C10orf90: variants seen among roughly 807,000 people sequenced by gnomAD.
The protein encoded by C10orf90 is (E2-independent) E3 ubiquitin-conjugating enzyme FATS.
Under a neutral mutation model 62.5 loss-of-function variants are expected in C10orf90, and 56 were observed. That is an observed-to-expected ratio of 0.90 (90% CI 0.72 to 1.12). The LOEUF (loss-of-function observed/expected upper bound fraction) is 1.12, where lower values mean the gene tolerates loss of function less well. C10orf90 is among the 50% of genes most tolerant of loss of function. The probability of loss-of-function intolerance (pLI) is 0.00; values close to 1 mark genes in which losing one functional copy is unlikely to be tolerated. For synonymous variants in C10orf90, 386 were observed against 340.4 expected (o/e 1.13, Z -1.47); for missense variants, 970 against 880.4 (o/e 1.10, Z -1.29).
intron 2 of C10orf90, among the ~76,000 whole-genome samples, chr10:126,645,200 A>T (rs1846143109): frequency 6.6e-6 from 1 of 150,532 alleles, no homozygotes. Flanking sequence ...AGCATGGCAC[A>T]TGTATACATA....
At chr10:126,542,884 C>T (rs7088434) in intron 2 of C10orf90, among the ~76,000 whole-genome samples, 2,267 of 152,278 alleles carry the variant, frequency 0.015, 60 homozygotes, top group African/African-American at 0.052. Flanking sequence ...TTATAGGATT[C>T]AATGCCACAT....
At chr10:126,589,154 G>A (rs781369508) in intron 2 of C10orf90, among the ~76,000 whole-genome samples, 2 of 152,106 alleles carry the variant, frequency 1.3e-5, no homozygotes, top group African/African-American at 2.4e-5. Flanking sequence ...GACAAGAATA[G>A]AGAAAAAATA....
chr10:126,478,615 T>A (rs1861017021), intron 4 of C10orf90, among the ~76,000 whole-genome samples: 1 of 152,198 alleles, frequency 6.6e-6, no homozygotes, highest in South Asian at 2.1e-4. Context: ...GATGGCTGTT[T>A]CCTGCCCTTT....
intron 2 of C10orf90, among the ~76,000 whole-genome samples, chr10:126,525,518 T>A (rs1863911651): frequency 6.6e-6 from 1 of 152,156 alleles, no homozygotes; most frequent in African/African-American, 2.4e-5. Flanking sequence ...CAGAGATGAT[T>A]ACAGGCTCCG....
intron 2 of C10orf90, among the ~76,000 whole-genome samples, chr10:126,596,137 T>C (rs974175925): frequency 7.1e-6 from 1 of 140,738 alleles, no homozygotes; most frequent in African/African-American, 2.9e-5. Flanking sequence ...TATCTCTTAT[T>C]TAAAAAAAAA....
At position 126,458,928 on chromosome 10, in the gene C10orf90, C is replaced by T. The variant is rs966323557; in HGVS notation, c.2188+112G>A. The T allele has an allele frequency of 2.6e-6, 3 of 1,160,312 alleles. No homozygotes were observed. The African/African-American group carries it at 4.7e-5, about 18-fold the overall frequency. The allele number at this position is 1,160,312 out of a possible 1,614,324, so 71.9% of individuals were successfully genotyped here. On this transcript the variant is annotated intron_variant, in intron 7 of 9. Coordinates refer to ENST00000488181, the MANE Select transcript of C10orf90 (RefSeq NM_001350921.2). ...CAGCCACTTGGAGCCATAACAGGTT[C>T]TGCGTATGTCAGTGGCATCATTTGG... is the stretch of plus-strand genomic sequence containing the variant.
chr10:126,540,658 C>A (rs1484035889), intron 2 of C10orf90, among the ~76,000 whole-genome samples: 2 of 106,164 alleles, frequency 1.9e-5, no homozygotes, highest in Non-Finnish European at 3.7e-5. Context: ...CAAAGTGAGA[C>A]CTTGTCTAAA....
At chr10:126,513,456 G>A (rs1332352638) in intron 3 of C10orf90, among the ~76,000 whole-genome samples, 1 of 152,100 alleles carries the variant, frequency 6.6e-6, no homozygotes, top group Non-Finnish European at 1.5e-5. Flanking sequence ...TTATAAATAT[G>A]ACCTCTAATT....
In C10orf90 at chr10:126,502,232, C is replaced by G. The variant is rs181723577; in HGVS notation, c.1534+1725G>C. On this transcript the variant is annotated intron_variant, in intron 4 of 9. Coordinates refer to ENST00000488181, the MANE Select transcript of C10orf90 (RefSeq NM_001350921.2). ...AATTCATCCATGTAACCAAGAACCA[C>G]TTGTACTCCCAAAGCTACTGAAATT... Among the ~76,000 whole-genome samples the G allele has an allele frequency of 2.9e-3, 446 of 152,306 alleles. 1 individual carries two copies. The highest frequency in any genetic ancestry group is 5.0e-3 in the Non-Finnish European group (343 of 68,024).
At chr10:126,669,693 C>A (rs1334476273) in intron 1 of C10orf90, among the ~76,000 whole-genome samples, 2 of 115,416 alleles carry the variant, frequency 1.7e-5, no homozygotes, top group Non-Finnish European at 3.5e-5. Flanking sequence ...AAAGTTCTCT[C>A]ACTCTCTGTC....
intron 2 of C10orf90, among the ~76,000 whole-genome samples, chr10:126,609,825 G>A (rs1262544841): frequency 6.6e-6 from 1 of 152,226 alleles, no homozygotes; most frequent in Non-Finnish European, 1.5e-5. Flanking sequence ...TGTTCTGAGA[G>A]AGCTGTGAGG....
intron 7 of C10orf90, among the ~76,000 whole-genome samples, chr10:126,451,690 C>T (rs933837912): frequency 6.9e-6 from 1 of 144,412 alleles, no homozygotes; most frequent in Non-Finnish European, 1.5e-5. Context: ...TTCTCATAGT[C>T]TATTGATATA....
At chr10:126,582,465 T>G (rs1305761143) in intron 2 of C10orf90, among the ~76,000 whole-genome samples, 4 of 152,218 alleles carry the variant, frequency 2.6e-5, no homozygotes, top group African/African-American at 9.6e-5. Context: ...AGGGTGGATG[T>G]GCATATCTGC....
chr10:126,565,218 T>TTATATTACATATTATGTAATATAATA (rs1844331361), intron 2 of C10orf90, among the ~76,000 whole-genome samples: 7 of 29,762 alleles, frequency 2.4e-4, no homozygotes, highest in Admixed American at 6.1e-4. Flanking sequence ...TAATATAATT[T>TTATATTACATATTATGTAATATAATA]TTATATTACA....
chr10:126,604,231 G>A (rs572263471), intron 2 of C10orf90, among the ~76,000 whole-genome samples: 11 of 152,206 alleles, frequency 7.2e-5, no homozygotes, highest in Middle Eastern at 3.4e-3. Context: ...GTCTTCTGCC[G>A]GACTCATTCT....
chr10:126,627,443 T>C (rs1331673213), intron 2 of C10orf90, among the ~76,000 whole-genome samples: 4 of 152,154 alleles, frequency 2.6e-5, no homozygotes, highest in South Asian at 4.2e-4. Context: ...GAGTGAGGCC[T>C]ACAGGGAAAC....
At chr10:126,538,589 G>T (rs575552383) in intron 2 of C10orf90, among the ~76,000 whole-genome samples, 2 of 152,192 alleles carry the variant, frequency 1.3e-5, no homozygotes, top group African/African-American at 4.8e-5. Flanking sequence ...CACTTGCCAC[G>T]TGTTGTTAAT....
chr10:126,478,739 G>T (rs1207848683), intron 4 of C10orf90, among the ~76,000 whole-genome samples: 1 of 152,044 alleles, frequency 6.6e-6, no homozygotes, highest in Admixed American at 6.6e-5. Context: ...AAAGCGTGCT[G>T]GGGGAGGAGG....
chr10:126,502,159 A>G (rs777666880), intron 4 of C10orf90, among the ~76,000 whole-genome samples: 2 of 151,976 alleles, frequency 1.3e-5, no homozygotes, highest in Middle Eastern at 3.4e-3. Flanking sequence ...TGCAATATAC[A>G]CTACTTGGGT....
Sources: allele counts gnomAD v4.1 joint callset (sites outside exome capture counted in the v4.1 genomes callset), GRCh38; gene constraint gnomAD v4.1.1; transcripts MANE v1.5; gene names NCBI Gene and HGNC (gene_info 2026-07-23, HGNC 2026-07-21).